C12orf42: variants seen among roughly 807,000 people sequenced by gnomAD.
The protein encoded by C12orf42 is uncharacterized protein C12orf42.
In C12orf42, 25 loss-of-function variants were observed where a neutral mutation model predicts 21.6. The observed-to-expected ratio is 1.16, with a 90% CI of 0.84 to 1.62. C12orf42 has a LOEUF of 1.62. Ranked by LOEUF, C12orf42 falls within the 40% of genes most tolerant of loss-of-function variation. The pLI is 0.00. For synonymous variants in C12orf42, 174 were observed against 175.0 expected, an observed-to-expected ratio of 0.99 and a Z score of 0.05; for missense variants, 483 against 459.3, an observed-to-expected ratio of 1.05 and a Z score of -0.47.
In C12orf42 at chr12:103,453,310, AT is replaced by A. The variant is rs66581621; in HGVS notation, c.78+25038del. 9.0e-3 allele frequency among the ~76,000 whole-genome samples: 1,361 copies of A among 151,806 alleles called. 19 individuals carry two copies. The highest frequency in any genetic ancestry group is 0.031 in the African/African-American group (1,279 of 41,488). ...GTTTTTAACGTTATATTATTCTAGA[AT>A]TTTTTCATTCTACCAGTTTTCAAAT... On this transcript the variant is annotated intron_variant, in intron 2 of 5. Transcript: ENST00000548883.
At chr12:103,506,883 A>C in the C12orf42 span, among the ~76,000 whole-genome samples, 3 of 69,642 alleles carry the variant, frequency 4.3e-5, no homozygotes, top group African/African-American at 2.1e-4. Context: ...TATATATTAT[A>C]TATTAAATAT....
intron 2 of C12orf42, among the ~76,000 whole-genome samples, chr12:103,457,935 G>A (rs1952422505): frequency 6.6e-6 from 1 of 152,128 alleles, no homozygotes; most frequent in African/African-American, 2.4e-5. Context: ...TGAACTAATG[G>A]TCATCGTAAC....
chr12:103,309,178 A>C (rs1214106104), intron 4 of C12orf42, among the ~76,000 whole-genome samples: 1 of 152,176 alleles, frequency 6.6e-6, no homozygotes, highest in Non-Finnish European at 1.5e-5. Context: ...GTTGTCCCAG[A>C]GTACAGTTGA....
At chr12:103,506,187 A>T in the C12orf42 span, 2 of 155,630 alleles carry the variant, frequency 1.3e-5, no homozygotes, top group Admixed American at 6.5e-5. Flanking sequence ...AAAGAATAAG[A>T]CACATTCTTG....
chr12:103,444,229 G>C (rs1250675482), intron 2 of C12orf42, among the ~76,000 whole-genome samples: 3 of 151,856 alleles, frequency 2.0e-5, no homozygotes, highest in Non-Finnish European at 2.9e-5. Flanking sequence ...ACTATTTGTT[G>C]TTTCTAAATA....
chr12:103,336,295 G>A (rs150541373), intron 4 of C12orf42, among the ~76,000 whole-genome samples: 75 of 152,296 alleles, frequency 4.9e-4, no homozygotes, highest in African/African-American at 1.7e-3. Context: ...AATTTCAGAA[G>A]ATATAGGCTT....
downstream of C12orf42, among the ~76,000 whole-genome samples, chr12:103,233,597 C>T (rs151200652): frequency 2.6e-4 from 39 of 152,122 alleles, no homozygotes; most frequent in Non-Finnish European, 3.7e-4. Flanking sequence ...TAAATGGTAT[C>T]GTGTTTTTAA....
At chr12:103,307,105 C>T (rs553160299) in intron 4 of C12orf42, among the ~76,000 whole-genome samples, 3 of 152,304 alleles carry the variant, frequency 2.0e-5, no homozygotes, top group South Asian at 4.1e-4. Context: ...TGAGAGAATA[C>T]ATTTCTGTTT....
intron 10 of C12orf42, among the ~76,000 whole-genome samples, chr12:103,258,372 C>G (rs1041973021): frequency 6.6e-6 from 1 of 152,012 alleles, no homozygotes; most frequent in Admixed American, 6.6e-5. Flanking sequence ...AAATCTTCAG[C>G]AAATGCATAA....
At chr12:103,258,012 T>C (rs927504979) in intron 10 of C12orf42, among the ~76,000 whole-genome samples, 3 of 152,084 alleles carry the variant, frequency 2.0e-5, no homozygotes, top group African/African-American at 7.2e-5. Flanking sequence ...CCACCAGACT[T>C]TTAACAGCAA....
In C12orf42 at chr12:103,242,453, C is replaced by A. The variant is rs534007591; in HGVS notation, c.*1367-4551G>T. Among the ~76,000 whole-genome samples, 25 of 152,164 alleles carry A rather than the reference C, an allele frequency of 1.6e-4. No individual in the cohort carries two copies. In the East Asian group the frequency reaches 4.0e-3, roughly 25 times the overall value. ...TTTTTCAAATAAATAGTGGTTTGAA[C>A]GAAAAGTTTATTGGTCTGTGAAATA... On this transcript the variant is annotated intron_variant and NMD_transcript_variant, in intron 10 of 10. Transcript: ENST00000547347.
chr12:103,407,406 A>G (rs1798069044), intron 2 of C12orf42, among the ~76,000 whole-genome samples: 1 of 152,188 alleles, frequency 6.6e-6, no homozygotes. Context: ...CCCCTGAGAC[A>G]GAAGGCGAAC....
chr12:103,313,200 C>T (rs746699107), intron 4 of C12orf42, among the ~76,000 whole-genome samples: 19 of 152,154 alleles, frequency 1.2e-4, no homozygotes, highest in African/African-American at 4.1e-4. Context: ...TGAAGCTAAT[C>T]GATTTCATCT....
At chr12:103,291,447 C>A (rs1303142622) in intron 4 of C12orf42, among the ~76,000 whole-genome samples, 2 of 152,162 alleles carry the variant, frequency 1.3e-5, no homozygotes, top group African/African-American at 4.8e-5. Flanking sequence ...GTAGCGAAAG[C>A]AAAGCAAGTT....
intron 2 of C12orf42, among the ~76,000 whole-genome samples, chr12:103,437,358 C>T (rs10778248): frequency 0.61 from 91,850 of 151,516 alleles, 29,276 homozygotes; most frequent in Admixed American, 0.72. Flanking sequence ...AAAAAGCAAG[C>T]GCAAACACAT....
the C12orf42 span, among the ~76,000 whole-genome samples, chr12:103,097,142 A>ATG: frequency 2.0e-5 from 3 of 152,238 alleles, no homozygotes; most frequent in African/African-American, 7.2e-5. Flanking sequence ...TCAGATATAT[A>ATG]TTGAAAATAA....
chr12:103,088,250 T>C, the C12orf42 span, among the ~76,000 whole-genome samples: 1 of 152,252 alleles, frequency 6.6e-6, no homozygotes, highest in Non-Finnish European at 1.5e-5. Flanking sequence ...CTAGATATTT[T>C]GTTATTGTTG....
At position 103,484,874 on chromosome 12, in the gene C12orf42, T is replaced by G. The variant is rs1464747273; in HGVS notation, c.-21-6427A>C. On this transcript the variant is annotated intron_variant, in intron 1 of 5. Transcript: ENST00000548883. ...GGGATCTGGTTTCAGTTTTTTTTTTTTTTTTTTTTTTTTGAGAAGGAGTCT... is the reference window on the plus strand; with the variant it reads ...GGGATCTGGTTTCAGTTTTTTTTTTGTTTTTTTTTTTTTGAGAAGGAGTCT... Among the ~76,000 whole-genome samples, 51 of 142,326 alleles carry G rather than the reference T, an allele frequency of 3.6e-4. 2 individuals carry two copies. The highest frequency in any genetic ancestry group is 2.4e-3 in the Admixed American group (34 of 14,300). The allele number at this position is 142,326 out of a possible 152,430, so 93.4% of individuals were successfully genotyped here.
intron 1 of C12orf42, among the ~76,000 whole-genome samples, chr12:103,484,505 GGTT>G (rs1433207558): frequency 6.6e-6 from 1 of 152,028 alleles, no homozygotes; most frequent in Non-Finnish European, 1.5e-5. Context: ...TTTTCAATGG[GGTT>G]GTTTTTTTCT....
Sources: allele counts gnomAD v4.1 joint callset (sites outside exome capture counted in the v4.1 genomes callset), GRCh38; gene constraint gnomAD v4.1.1; transcripts MANE v1.5; gene names NCBI Gene and HGNC (gene_info 2026-07-23, HGNC 2026-07-21).